The following MACROD2 variants were observed in gnomAD, a reference collection of about 807,000 sequenced individuals.
MACROD2 encodes the protein ADP-ribose glycohydrolase MACROD2.
In MACROD2, 36 loss-of-function variants were observed where a neutral mutation model predicts 70.4. That is an observed-to-expected ratio of 0.51 (90% CI 0.39 to 0.68). MACROD2 has a LOEUF of 0.68. MACROD2 is among the 30% of genes least tolerant of loss of function. The pLI is 0.00. For synonymous variants in MACROD2, 172 were observed against 178.8 expected (o/e 0.96, Z 0.30); for missense variants, 496 against 538.4 (o/e 0.92, Z 0.78).
At chr20:15,662,279 C>T (rs1301484097) in intron 8 of MACROD2, among the ~76,000 whole-genome samples, 1 of 152,112 alleles carries the variant, frequency 6.6e-6, no homozygotes, top group Non-Finnish European at 1.5e-5. Context: ...TATCAGTATC[C>T]CCGGGCACGG....
At chr20:15,771,205 C>A (rs1274831955) in intron 8 of MACROD2, among the ~76,000 whole-genome samples, 1 of 151,980 alleles carries the variant, frequency 6.6e-6, no homozygotes, top group Non-Finnish European at 1.5e-5. Context: ...GACAAGGTCT[C>A]CCTCTGTTAC....
At chr20:15,243,712 G>A (rs1390642777) in intron 6 of MACROD2, among the ~76,000 whole-genome samples, 1 of 151,860 alleles carries the variant, frequency 6.6e-6, no homozygotes, top group East Asian at 1.9e-4. Flanking sequence ...TCAGGAGATC[G>A]AGACCATCCT....
intron 5 of MACROD2, chr20:14,850,163 C>A (rs931533000): frequency 6.2e-6 from 2 of 323,700 alleles, no homozygotes; most frequent in Non-Finnish European, 1.2e-5. Context: ...ATTCTGCTTG[C>A]AACTTGTTTA....
chr20:14,968,166 T>C (rs377043685), intron 5 of MACROD2, among the ~76,000 whole-genome samples: 1 of 152,112 alleles, frequency 6.6e-6, no homozygotes, highest in Non-Finnish European at 1.5e-5. Context: ...CTGATAATAA[T>C]ACTTACTTTC....
At chr20:15,858,326 G>A (rs1387409646) in intron 8 of MACROD2, among the ~76,000 whole-genome samples, 3 of 152,134 alleles carry the variant, frequency 2.0e-5, no homozygotes, top group Non-Finnish European at 4.4e-5. Context: ...CAATAGCGAG[G>A]CATTCTTATA....
intron 5 of MACROD2, among the ~76,000 whole-genome samples, chr20:14,919,400 G>A (rs1350600308): frequency 6.6e-6 from 1 of 152,148 alleles, no homozygotes; most frequent in Non-Finnish European, 1.5e-5. Context: ...TCTAATTTCA[G>A]CAACAGCAAT....
At chr20:14,866,628 G>A (rs2073430577) in intron 5 of MACROD2, among the ~76,000 whole-genome samples, 1 of 151,986 alleles carries the variant, frequency 6.6e-6, no homozygotes, top group Admixed American at 6.6e-5. Flanking sequence ...ATGCTGCAGA[G>A]GTATCTTTCA....
chr20:15,704,189 T>A (rs1170743351), intron 8 of MACROD2, among the ~76,000 whole-genome samples: 1 of 152,180 alleles, frequency 6.6e-6, no homozygotes, highest in Non-Finnish European at 1.5e-5. Flanking sequence ...TCTAACCACC[T>A]TTTAATGCTC....
At chr20:14,619,549 AAGGG>A (rs1350174158) in intron 4 of MACROD2, among the ~76,000 whole-genome samples, 3 of 75,954 alleles carry the variant, frequency 3.9e-5, no homozygotes, top group Admixed American at 1.7e-4. Flanking sequence ...GGAAGGAAAG[AAGGG>A]AGGGAGGGAG....
intron 5 of MACROD2, among the ~76,000 whole-genome samples, chr20:14,729,991 T>C (rs560457507): frequency 1.2e-4 from 19 of 152,224 alleles, no homozygotes; most frequent in African/African-American, 4.6e-4. Context: ...GAGAATCAAA[T>C]AGAAAATTAG....
At chr20:14,316,321 A>C (rs1444436441) in intron 3 of MACROD2, among the ~76,000 whole-genome samples, 1 of 152,218 alleles carries the variant, frequency 6.6e-6, no homozygotes, top group Non-Finnish European at 1.5e-5. Flanking sequence ...AGAAAAAGTC[A>C]CATCTCCCCA....
chr20:15,229,944 C>T lies in MACROD2; in HGVS notation c.423C>T (p.Val141=), dbSNP rs1417244524. 4 of 1,610,784 alleles carry T rather than the reference C, an allele frequency of 2.5e-6. No individual in the cohort carries two copies. The highest frequency in any genetic ancestry group is 3.4e-6 in the Non-Finnish European group (4 of 1,178,714). ...TCGYDLPAKY[V]IHTVGPIARG... ...TCCTTCCTTTTGTATTTACAGATGTCATCCATACTGTAGGGCCAATAGCCA... is the reference window on the plus strand; with the variant it reads ...TCCTTCCTTTTGTATTTACAGATGTTATCCATACTGTAGGGCCAATAGCCA... The change falls in exon 6 of 18, where the codon GTC becomes GTT. Residue 141 remains valine (V), a synonymous_variant. Transcript: ENST00000684519.
intron 5 of MACROD2, among the ~76,000 whole-genome samples, chr20:14,817,698 T>G (rs1448694188): frequency 6.6e-6 from 1 of 152,124 alleles, no homozygotes; most frequent in Admixed American, 6.6e-5. Context: ...ATCTGAGAAA[T>G]GAGAAAGGGG....
At chr20:15,103,267 T>G (rs545617791) in intron 5 of MACROD2, among the ~76,000 whole-genome samples, 1 of 152,246 alleles carries the variant, frequency 6.6e-6, no homozygotes, top group East Asian at 1.9e-4. Flanking sequence ...GTTTTCTTCA[T>G]AGTCACACGG....
At chr20:15,079,072 G>A (rs1270876915) in intron 5 of MACROD2, among the ~76,000 whole-genome samples, 2 of 152,228 alleles carry the variant, frequency 1.3e-5, no homozygotes, top group East Asian at 3.9e-4. Flanking sequence ...ATGAAAGAAA[G>A]ATGACCTCCT....
chr20:15,882,597 A>G lies in MACROD2; in HGVS notation c.728-3167A>G, dbSNP rs2064769395. ...CTTCACCCTGTGCTTTGGGAGAGAC[A>G]AGGGATTGAGAGACGGTAGTGAGGG... On this transcript the variant is annotated intron_variant, in intron 9 of 17. Coordinates refer to ENST00000684519, the MANE Select transcript of MACROD2 (RefSeq NM_001351661.2). 1.3e-5 allele frequency among the ~76,000 whole-genome samples: 2 copies of G among 152,012 alleles called. 1 individual carries two copies. Among genetic ancestry groups the G allele is most frequent in the South Asian group, 4.1e-4 (2 of 4,820 alleles).
At chr20:15,101,414 C>T (rs1415172315) in intron 5 of MACROD2, among the ~76,000 whole-genome samples, 2 of 150,826 alleles carry the variant, frequency 1.3e-5, no homozygotes, top group African/African-American at 4.9e-5. Flanking sequence ...AGTTAACATG[C>T]CATTGTAGAA....
At chr20:14,191,696 G>T (rs1010363924) in intron 3 of MACROD2, among the ~76,000 whole-genome samples, 1 of 152,180 alleles carries the variant, frequency 6.6e-6, no homozygotes, top group African/African-American at 2.4e-5. Flanking sequence ...GAAGAGCCAG[G>T]GAATATTTGA....
intron 6 of MACROD2, among the ~76,000 whole-genome samples, chr20:15,288,503 T>C (rs564270762): frequency 6.6e-6 from 1 of 152,132 alleles, no homozygotes; most frequent in Non-Finnish European, 1.5e-5. Flanking sequence ...AATCAGTAGA[T>C]TGAGTAAGAA....
Sources: gnomAD v4.1 joint callset for allele counts (sites outside exome capture counted in the v4.1 genomes callset) on GRCh38, gnomAD v4.1.1 for gene constraint, MANE v1.5 for transcripts, NCBI Gene and HGNC (gene_info 2026-07-23, HGNC 2026-07-21) for gene names.